SHANK2: variants seen among roughly 807,000 people sequenced by gnomAD.
The protein encoded by SHANK2 is SH3 and multiple ankyrin repeat domains 2.
A neutral mutation model predicts 133.7 loss-of-function variants in SHANK2; 43 were observed. The ratio of observed to expected loss-of-function variants is 0.32; its 90% confidence interval spans 0.25 to 0.41. The LOEUF is 0.41. Ranked by LOEUF, SHANK2 falls within the 10% of genes least tolerant of loss-of-function variation. The probability of loss-of-function intolerance (pLI) is 1.00; values close to 1 mark genes in which losing one functional copy is unlikely to be tolerated. For synonymous variants in SHANK2, 1,017 were observed against 952.8 expected (o/e 1.07, Z -1.24); for missense variants, 1,994 against 2,235.8 (o/e 0.89, Z 2.18).
At chr11:70,528,578 G>T (rs1485863681) in intron 17 of SHANK2, among the ~76,000 whole-genome samples, 1 of 152,152 alleles carries the variant, frequency 6.6e-6, no homozygotes, top group African/African-American at 2.4e-5. Flanking sequence ...GCTCCATGGG[G>T]AGGGGGGCTC....
At position 70,566,020 on chromosome 11, in the gene SHANK2, C is replaced by T. The variant is rs143507251; in HGVS notation, c.2062-63089G>A. 6.4e-3 allele frequency among the ~76,000 whole-genome samples: 968 copies of T among 152,164 alleles called. 15 individuals carry two copies. Among genetic ancestry groups the T allele is most frequent in the African/African-American group, 0.022 (930 of 41,524 alleles). ...GTTCCACATGGCTGGGGAGGCCTCACAATCATGGCAGAAGGGAAAGGGCAT... is the reference window on the plus strand; with the variant it reads ...GTTCCACATGGCTGGGGAGGCCTCATAATCATGGCAGAAGGGAAAGGGCAT... On this transcript the variant is annotated intron_variant, in intron 17 of 25. Coordinates refer to ENST00000601538, the MANE Select transcript of SHANK2 (RefSeq NM_012309.5).
At chr11:71,149,326 G>A (rs1590959679) in intron 2 of SHANK2, among the ~76,000 whole-genome samples, 1 of 152,194 alleles carries the variant, frequency 6.6e-6, no homozygotes, top group East Asian at 1.9e-4. Flanking sequence ...CCGCCCTGGA[G>A]GAACCTACAG....
intron 14 of SHANK2, among the ~76,000 whole-genome samples, chr11:70,748,342 C>A (rs1946685577): frequency 6.6e-6 from 1 of 152,116 alleles, no homozygotes; most frequent in Non-Finnish European, 1.5e-5. Flanking sequence ...GGCAAAAGGT[C>A]CTTTTGGCAA....
intron 2 of SHANK2, among the ~76,000 whole-genome samples, chr11:71,152,880 G>A (rs1485606400): frequency 1.3e-5 from 2 of 152,102 alleles, no homozygotes; most frequent in Non-Finnish European, 2.9e-5. Flanking sequence ...CACTGCCTGG[G>A]AAAACATTTA....
chr11:70,576,390 T>G (rs1313905900), intron 17 of SHANK2, among the ~76,000 whole-genome samples: 1 of 152,094 alleles, frequency 6.6e-6, no homozygotes, highest in African/African-American at 2.4e-5. Flanking sequence ...ATCCCAGCAC[T>G]TTGGGAGGCC....
intron 14 of SHANK2, among the ~76,000 whole-genome samples, chr11:70,741,543 A>ACC (rs781854950): frequency 6.6e-6 from 1 of 152,150 alleles, no homozygotes; most frequent in Non-Finnish European, 1.5e-5. Flanking sequence ...CCTACCAGGT[A>ACC]CCTTCCCCCA....
At chr11:70,931,720 C>G (rs1950507198) in intron 10 of SHANK2, among the ~76,000 whole-genome samples, 1 of 152,236 alleles carries the variant, frequency 6.6e-6, no homozygotes, top group Admixed American at 6.5e-5. Flanking sequence ...TAGTGGCACA[C>G]AGGGCAACAG....
At chr11:71,071,467 T>C (rs893448140) in intron 9 of SHANK2, among the ~76,000 whole-genome samples, 5 of 152,172 alleles carry the variant, frequency 3.3e-5, no homozygotes, top group Non-Finnish European at 7.4e-5. Flanking sequence ...TCCTCTCAGG[T>C]GGACCCAAGG....
intron 17 of SHANK2, among the ~76,000 whole-genome samples, chr11:70,560,870 G>A (rs550910300): frequency 3.3e-5 from 5 of 152,140 alleles, no homozygotes; most frequent in South Asian, 2.1e-4. Context: ...CAAGTGATTC[G>A]CCTGCCTCGG....
At chr11:71,123,832 G>A (rs1952120851) in intron 3 of SHANK2, among the ~76,000 whole-genome samples, 1 of 152,204 alleles carries the variant, frequency 6.6e-6, no homozygotes, top group African/African-American at 2.4e-5. Context: ...GATTACTGGA[G>A]GAAACAACTC....
chr11:70,643,481 G>A (rs1048232053), intron 17 of SHANK2, among the ~76,000 whole-genome samples: 5 of 151,332 alleles, frequency 3.3e-5, no homozygotes, highest in African/African-American at 4.9e-5. Flanking sequence ...GGAGAATGGC[G>A]TGAACCCAGG....
Position 71,175,796 on chromosome 11 carries a change from T to C in SHANK2, c.-12-28458A>G, listed in dbSNP as rs960961336. Among the ~76,000 whole-genome samples, 1 of 152,198 alleles carries C rather than the reference T, an allele frequency of 6.6e-6. No homozygotes were observed. The highest frequency in any genetic ancestry group is 1.5e-5 in the Non-Finnish European group (1 of 68,040). On this transcript the variant is annotated intron_variant, in intron 2 of 25. Transcript: ENST00000601538. This position sits in a 1 kb window ranked among gnomAD's most constrained non-coding sequence, Gnocchi z 4.2. ...GGTGAGCCCTATGATGACTCCCAGC[T>C]TTCTGCCTCCTCAGGGTTTCCAGAC... is the stretch of plus-strand genomic sequence containing the variant.
intron 8 of SHANK2, among the ~76,000 whole-genome samples, chr11:71,078,135 T>C (rs1387689606): frequency 6.7e-6 from 1 of 150,340 alleles, no homozygotes. Context: ...CAAGGTGAGC[T>C]TGAAATATCT....
At chr11:70,527,025 C>G (rs189829238) in intron 17 of SHANK2, among the ~76,000 whole-genome samples, 1 of 152,052 alleles carries the variant, frequency 6.6e-6, no homozygotes, top group Admixed American at 6.5e-5. Context: ...GCTTCCTACA[C>G]GACCACATCC....
intron 7 of SHANK2, among the ~76,000 whole-genome samples, chr11:71,094,319 A>G (rs1359678392): frequency 6.6e-6 from 1 of 152,194 alleles, no homozygotes; most frequent in Non-Finnish European, 1.5e-5. Flanking sequence ...CTTGGGAACC[A>G]TTAATTCTGA....
intron 17 of SHANK2, among the ~76,000 whole-genome samples, chr11:70,610,611 A>G (rs2060645319): frequency 6.6e-6 from 1 of 151,980 alleles, no homozygotes; most frequent in African/African-American, 2.4e-5. Flanking sequence ...GTAATCCTCG[A>G]CTCTCCGTTT....
At chr11:70,713,848 G>A (rs1555026704) in intron 14 of SHANK2, among the ~76,000 whole-genome samples, 1 of 152,248 alleles carries the variant, frequency 6.6e-6, no homozygotes, top group African/African-American at 2.4e-5. Context: ...TACAAGAAAA[G>A]TGCTAGCAGC....
At chr11:70,559,717 C>G (rs553551855) in intron 17 of SHANK2, among the ~76,000 whole-genome samples, 1 of 152,040 alleles carries the variant, frequency 6.6e-6, no homozygotes, top group Non-Finnish European at 1.5e-5. Flanking sequence ...GGACGTGCAT[C>G]GTAACCTCTC....
rs1422503241 is a variant in SHANK2, at chr11:70,739,048, A to G, written c.1778-40285T>C. Reference sequence around the variant, plus strand: ...GTGAGTAGGGCTGGTGAGTTTCTCCAGCCAAGATGCTGCATATCCCACCAT... The same window carrying G: ...GTGAGTAGGGCTGGTGAGTTTCTCCGGCCAAGATGCTGCATATCCCACCAT... On this transcript the variant is annotated intron_variant, in intron 14 of 25. Transcript: ENST00000601538. The surrounding 1 kb of genome is among the most constrained non-coding windows in gnomAD (Gnocchi z 4.3). 2.6e-5 allele frequency among the ~76,000 whole-genome samples: 4 copies of G among 152,212 alleles called. No homozygotes were observed. Among genetic ancestry groups the G allele is most frequent in the Non-Finnish European group, 4.4e-5 (3 of 68,036 alleles).
Sources: gnomAD v4.1 joint callset for allele counts (sites outside exome capture counted in the v4.1 genomes callset) on GRCh38, gnomAD v4.1.1 for gene constraint, Gnocchi (gnomAD v3.1) non-coding constraint, MANE v1.5 for transcripts, NCBI Gene and HGNC (gene_info 2026-07-23, HGNC 2026-07-21) for gene names.